Variants in LIMCH1 observed in about 807,000 individuals in gnomAD.
LIMCH1 encodes the protein LIM and calponin homology domains 1, also known as LIM and calponin homology domains-containing protein 1.
LIMCH1 carries 113 observed loss-of-function variants against 176.5 expected under a neutral mutation model. The observed-to-expected ratio is 0.64, with a 90% CI of 0.55 to 0.75. LIMCH1 has a LOEUF of 0.75. LIMCH1 is among the 30% of genes least tolerant of loss of function. The probability of loss-of-function intolerance (pLI) is 0.00; values close to 1 mark genes in which losing one functional copy is unlikely to be tolerated. For synonymous variants in LIMCH1, 619 were observed against 645.9 expected (o/e 0.96, Z 0.63); for missense variants, 1,674 against 1,814.9 (o/e 0.92, Z 1.41).
At chr4:41,367,418 T>C (rs2053191353) in intron 1 of LIMCH1, among the ~76,000 whole-genome samples, 1 of 151,970 alleles carries the variant, frequency 6.6e-6, no homozygotes, top group Non-Finnish European at 1.5e-5. Flanking sequence ...CCTGTGAGAG[T>C]TACTCTAGTG....
chr4:41,612,609 G>A (rs2091567441), intron 4 of LIMCH1: 1 of 702,466 alleles, frequency 1.4e-6, no homozygotes, highest in Admixed American at 2.0e-5. Context: ...CGAGGGTGAG[G>A]ATGGCTTTGA....
At chr4:41,558,048 G>A (rs1002582812) in intron 1 of LIMCH1, among the ~76,000 whole-genome samples, 14 of 151,952 alleles carry the variant, frequency 9.2e-5, no homozygotes, top group African/African-American at 2.9e-4. Context: ...GGTGTTTCAC[G>A]TTCCTCAAGG....
At chr4:41,596,141 A>G (rs894859677) in intron 1 of LIMCH1, among the ~76,000 whole-genome samples, 2 of 151,702 alleles carry the variant, frequency 1.3e-5, no homozygotes, top group African/African-American at 4.9e-5. Flanking sequence ...TATTGTACTA[A>G]TTTTTATCTC....
chr4:41,435,579 C>T (rs1297462544), intron 1 of LIMCH1, among the ~76,000 whole-genome samples: 1 of 152,194 alleles, frequency 6.6e-6, no homozygotes, highest in Non-Finnish European at 1.5e-5. Context: ...TTTCTTTGCT[C>T]ATTTGAGTGC....
chr4:41,524,498 A>G, intron 3 of LIMCH1: 1 of 1,579,754 alleles, frequency 6.3e-7, no homozygotes, highest in Non-Finnish European at 8.7e-7. Context: ...TGGAATTGAG[A>G]TTTATTTTCC....
chr4:41,553,165 T>C (rs1408038744), intron 1 of LIMCH1, among the ~76,000 whole-genome samples: 6 of 152,216 alleles, frequency 3.9e-5, no homozygotes, highest in Admixed American at 6.5e-5. Flanking sequence ...TGACTCCTGA[T>C]TTAGTTCTGT....
rs2052557805 is a variant in LIMCH1, at chr4:41,363,941, A to G, written c.96+3005A>G. Among the ~76,000 whole-genome samples the G allele has an allele frequency of 2.6e-5, 4 of 152,166 alleles. No homozygotes were observed. In the South Asian group the frequency reaches 8.3e-4, roughly 32 times the overall value. The stretch of plus-strand genomic sequence containing the variant: ...GGAGTGACTAACTTCTTTCCATACT[A>G]CTTTTCTAGAAGGCCTTACTAAGCA... On this transcript the variant is annotated intron_variant, in intron 1 of 26. Coordinates refer to the LIMCH1 transcript ENST00000313860.
At chr4:41,584,153 A>G (rs1285865784) in intron 1 of LIMCH1, among the ~76,000 whole-genome samples, 1 of 152,206 alleles carries the variant, frequency 6.6e-6, no homozygotes, top group Non-Finnish European at 1.5e-5. Context: ...CCTAACTAGT[A>G]AATCATTGTC....
intron 1 of LIMCH1, among the ~76,000 whole-genome samples, chr4:41,597,949 G>A (rs981327139): frequency 1.3e-5 from 2 of 152,178 alleles, no homozygotes; most frequent in Non-Finnish European, 2.9e-5. Flanking sequence ...GGGTGAATAC[G>A]TGATTCTGTA....
Position 41,698,461 on chromosome 4 carries a change from T to TA in LIMCH1, c.*1281dup, listed in dbSNP as rs1326883797. ...CTGGCCAAGAAAGGAGTCAAGTTAT[T>TA]AAAAAGCATCACAATGTAGATCTCC... On this transcript the variant is annotated 3_prime_UTR_variant, in exon 32 of 32. Transcript: ENST00000503057. The TA allele has an allele frequency of 6.6e-6, 1 of 152,270 alleles. No individual in the cohort carries two copies. Among genetic ancestry groups the TA allele is most frequent in the Non-Finnish European group, 1.5e-5 (1 of 68,030 alleles). The allele number at this position is 152,270 out of a possible 1,614,324, so 9.4% of individuals were successfully genotyped here.
At chr4:41,492,485 T>C (rs1355304283) in intron 1 of LIMCH1, among the ~76,000 whole-genome samples, 3 of 152,174 alleles carry the variant, frequency 2.0e-5, no homozygotes, top group African/African-American at 4.8e-5. Context: ...TCTTTTTGGC[T>C]CCCATGAATT....
intron 7 of LIMCH1, among the ~76,000 whole-genome samples, chr4:41,621,835 C>T (rs901995024): frequency 1.3e-5 from 2 of 152,160 alleles, no homozygotes; most frequent in Non-Finnish European, 2.9e-5. Flanking sequence ...GATTCGGATG[C>T]TCTGACCACA....
chr4:41,568,051 C>T (rs1420679561), intron 1 of LIMCH1, among the ~76,000 whole-genome samples: 1 of 152,048 alleles, frequency 6.6e-6, no homozygotes, highest in East Asian at 1.9e-4. Flanking sequence ...TATTTAGGAG[C>T]CTGAGGCAGG....
At chr4:41,437,375 A>T (rs1232978784) in intron 1 of LIMCH1, among the ~76,000 whole-genome samples, 1 of 152,250 alleles carries the variant, frequency 6.6e-6, no homozygotes, top group Non-Finnish European at 1.5e-5. Context: ...GTTTTTAGCC[A>T]GCAGTCCTTG....
At position 41,644,647 on chromosome 4, in the gene LIMCH1, G is replaced by A. The variant is rs2152924309; in HGVS notation, c.2253+21G>A. The A allele has an allele frequency of 3.1e-6, 5 of 1,592,220 alleles. No individual in the cohort carries two copies. In the East Asian group the frequency reaches 1.2e-4, roughly 37 times the overall value. ...AAGATGTGAGTTGTGGCCAAGGCGCGCGGGCAGCGGGGAGGCTTCTGGCAG... is the reference window on the plus strand; with the variant it reads ...AAGATGTGAGTTGTGGCCAAGGCGCACGGGCAGCGGGGAGGCTTCTGGCAG... On this transcript the variant is annotated intron_variant, in intron 15 of 31. Transcript: ENST00000503057.
At chr4:41,668,185 T>G (rs542298083) in intron 21 of LIMCH1, among the ~76,000 whole-genome samples, 16 of 152,332 alleles carry the variant, frequency 1.1e-4, no homozygotes, top group African/African-American at 3.8e-4. Flanking sequence ...CTATTATTGA[T>G]GTTTGGCAGA....
In LIMCH1 at chr4:41,435,628, C is replaced by T. The variant is rs545442695; in HGVS notation, c.97-58908C>T. On this transcript the variant is annotated intron_variant, in intron 1 of 26. Coordinates refer to the LIMCH1 transcript ENST00000313860. The stretch of plus-strand genomic sequence containing the variant: ...TAGAGTTCTATTTTATTTTTTCTCC[C>T]ATTCATTTTCCTAGTAAGATATTAT... 2.6e-5 allele frequency among the ~76,000 whole-genome samples: 4 copies of T among 152,150 alleles called. No individual in the cohort carries two copies. The South Asian group carries it at 6.2e-4, about 24-fold the overall frequency.
intron 1 of LIMCH1, among the ~76,000 whole-genome samples, chr4:41,451,660 C>T (rs2063902321): frequency 6.6e-6 from 1 of 152,142 alleles, no homozygotes; most frequent in South Asian, 2.1e-4. Context: ...CAGCTGAAAG[C>T]AGAAACATTT....
chr4:41,602,136 A>T, intron 2 of LIMCH1, among the ~76,000 whole-genome samples: 1 of 79,414 alleles, frequency 1.3e-5, no homozygotes, highest in South Asian at 5.0e-4. Flanking sequence ...AAAAAAAAAA[A>T]AAAAAAAAAA....
Sources: gnomAD v4.1 joint callset for allele counts (sites outside exome capture counted in the v4.1 genomes callset) on GRCh38, gnomAD v4.1.1 for gene constraint, MANE v1.5 for transcripts, NCBI Gene and HGNC (gene_info 2026-07-23, HGNC 2026-07-21) for gene names.